Variants in POLR3G observed in about 807,000 individuals in gnomAD.
POLR3G encodes the protein DNA-directed RNA polymerase III subunit RPC7.
Under a neutral mutation model 30.1 loss-of-function variants are expected in POLR3G, and 28 were observed. The ratio of observed to expected loss-of-function variants is 0.93; its 90% CI spans 0.69 to 1.27. The LOEUF (loss-of-function observed/expected upper bound fraction) is 1.27. POLR3G is among the 50% of genes most tolerant of loss of function. The pLI, the probability that POLR3G is intolerant of heterozygous loss-of-function variation, is 0.00. For synonymous variants in POLR3G, 79 were observed against 82.5 expected (o/e 0.96, Z 0.23); for missense variants, 254 against 264.6 (o/e 0.96, Z 0.28).
chr5:90,487,420 C>G (rs964304015), intron 2 of POLR3G, among the ~76,000 whole-genome samples: 1 of 100,546 alleles, frequency 9.9e-6, no homozygotes, highest in Non-Finnish European at 1.7e-5. Flanking sequence ...GAGACGGACT[C>G]TAGCTCTGTC....
chr5:90,502,913 TAAC>T, intron 6 of POLR3G, among the ~76,000 whole-genome samples: 1 of 152,136 alleles, frequency 6.6e-6, no homozygotes, highest in East Asian at 1.9e-4. Flanking sequence ...TTGCTGTTAT[TAAC>T]AATGCTGCAA....
chr5:90,491,808 GA>G (rs1328704832), intron 3 of POLR3G, among the ~76,000 whole-genome samples: 1 of 151,614 alleles, frequency 6.6e-6, no homozygotes, highest in Admixed American at 6.6e-5. Context: ...CCACTATGCT[GA>G]AAAAAAGAAT....
At chr5:90,508,468 A>G (rs1752592680) in intron 7 of POLR3G, among the ~76,000 whole-genome samples, 6 of 151,492 alleles carry the variant, frequency 4.0e-5, no homozygotes, top group Middle Eastern at 3.4e-3. Flanking sequence ...TCTTCCATTC[A>G]TGAATGTTCA....
At chr5:90,502,801 C>CCT (rs1554040467) in intron 6 of POLR3G, among the ~76,000 whole-genome samples, 4 of 142,272 alleles carry the variant, frequency 2.8e-5, no homozygotes, top group African/African-American at 1.0e-4. Flanking sequence ...TTACCTCATC[C>CCT]TTCTTTTTTT....
At chr5:90,482,725 C>T (rs1751205534) in intron 1 of POLR3G, among the ~76,000 whole-genome samples, 1 of 152,118 alleles carries the variant, frequency 6.6e-6, no homozygotes, top group Non-Finnish European at 1.5e-5. Flanking sequence ...GATCTTGTGG[C>T]CCCCACCCAG....
At chr5:90,476,068 TAGTC>T (rs1430386709) in intron 1 of POLR3G, among the ~76,000 whole-genome samples, 13 of 152,270 alleles carry the variant, frequency 8.5e-5, no homozygotes, top group African/African-American at 3.1e-4. Context: ...CCTCTTAAGT[TAGTC>T]AGGAAAAATG....
At chr5:90,475,546 G>A (rs1750763698) in intron 1 of POLR3G, among the ~76,000 whole-genome samples, 1 of 151,656 alleles carries the variant, frequency 6.6e-6, no homozygotes, top group South Asian at 2.1e-4. Flanking sequence ...AGTAAAGCGA[G>A]TTGGTAGAAA....
At chr5:90,474,131 C>T (rs958543362), upstream of POLR3G, 4 of 1,585,292 alleles carry the variant, frequency 2.5e-6, no homozygotes, top group East Asian at 6.9e-5. Context: ...ACAGGTACTC[C>T]GGGAGGCTGC....
At chr5:90,484,035 A>G (rs1384576554) in intron 1 of POLR3G, among the ~76,000 whole-genome samples, 2 of 152,184 alleles carry the variant, frequency 1.3e-5, no homozygotes, top group African/African-American at 4.8e-5. Flanking sequence ...AAACAGTTCT[A>G]CCAATACTCT....
chr5:90,484,695 A>T lies in POLR3G; in HGVS notation c.-43-830A>T, dbSNP rs564533664. ...GGCCAAAACCAATGCCACTCCTCTG[A>T]CTTCCTCCGAGTGGTCCAGGGGACA... On this transcript the variant is annotated intron_variant, in intron 1 of 7. Coordinates refer to ENST00000651687, the MANE Select transcript of POLR3G (RefSeq NM_006467.3). Among the ~76,000 whole-genome samples the T allele has an allele frequency of 2.0e-5, 3 of 152,316 alleles. No individual in the cohort carries two copies. In the East Asian group the frequency reaches 5.8e-4, roughly 29 times the overall value.
At chr5:90,503,077 A>G (rs986482569) in intron 6 of POLR3G, among the ~76,000 whole-genome samples, 3 of 152,188 alleles carry the variant, frequency 2.0e-5, no homozygotes, top group African/African-American at 4.8e-5. Context: ...TTATCAATGC[A>G]TGCATTGTCT....
chr5:90,474,951 G>A lies in POLR3G; in HGVS notation c.-113G>A, dbSNP rs2303801. The A allele has an allele frequency of 0.39, 59,530 of 152,318 alleles. 12,340 individuals carry two copies. Among genetic ancestry groups the A allele is most frequent in the African/African-American group, 0.52 (21,664 of 41,508 alleles). 9.4% of individuals were successfully genotyped at this position (152,318 alleles called of 1,614,324 possible). On this transcript the variant is annotated 5_prime_UTR_variant, in exon 1 of 8. Transcript: ENST00000651687. The stretch of plus-strand genomic sequence containing the variant: ...CAGTCAAGCGCCGGCGTTCTCTGCC[G>A]TCACCCTTTCCTTGCCGGCCGGCAC...
chr5:90,508,677 T>C (rs769550849), intron 7 of POLR3G, among the ~76,000 whole-genome samples: 1 of 150,846 alleles, frequency 6.6e-6, no homozygotes, highest in African/African-American at 2.4e-5. Flanking sequence ...AAGAAAGAAA[T>C]TATTGCTACC....
intron 5 of POLR3G, among the ~76,000 whole-genome samples, chr5:90,499,828 C>CGGT (rs1752164260): frequency 6.6e-6 from 1 of 151,836 alleles, no homozygotes; most frequent in Non-Finnish European, 1.5e-5. Context: ...AGTATATAAT[C>CGGT]ATATTTAGCT....
chr5:90,487,927 T>A, intron 2 of POLR3G, 73 bp from the exon 3 acceptor site: 1 of 1,288,174 alleles, frequency 7.8e-7, no homozygotes. Flanking sequence ...TGCTGTTTTC[T>A]ATAATACAGA....
At chr5:90,483,315 C>T (rs1043724341) in intron 1 of POLR3G, among the ~76,000 whole-genome samples, 2 of 152,132 alleles carry the variant, frequency 1.3e-5, no homozygotes, top group South Asian at 2.1e-4. Context: ...GCAGGGTGAA[C>T]GCCTTGGGCA....
At chr5:90,483,164 A>C (rs899614088) in intron 1 of POLR3G, among the ~76,000 whole-genome samples, 1 of 150,808 alleles carries the variant, frequency 6.6e-6, no homozygotes, top group African/African-American at 2.4e-5. Flanking sequence ...AAAAAAAAAA[A>C]TCTCTGATCT....
chr5:90,483,376 A>G (rs1463119261), intron 1 of POLR3G, among the ~76,000 whole-genome samples: 7 of 152,190 alleles, frequency 4.6e-5, no homozygotes, highest in Admixed American at 2.0e-4. Flanking sequence ...CATTATGTCA[A>G]ATCAAATGCC....
At chr5:90,488,256 A>G in intron 3 of POLR3G, 127 bp downstream of exon 3, 1 of 767,268 alleles carries the variant, frequency 1.3e-6, no homozygotes, top group Non-Finnish European at 1.9e-6. Flanking sequence ...CTACTTTGAA[A>G]AAGCTATTTA....
Sources: allele counts gnomAD v4.1 joint callset (sites outside exome capture counted in the v4.1 genomes callset), GRCh38; gene constraint gnomAD v4.1.1; transcripts MANE v1.5; gene names NCBI Gene and HGNC (gene_info 2026-07-23, HGNC 2026-07-21).